The following PRR5 variants were observed in gnomAD, a reference collection of about 807,000 sequenced individuals.
PRR5 encodes the protein proline-rich protein 5.
In PRR5, 25 loss-of-function variants were observed where a neutral mutation model predicts 30.6. The observed-to-expected ratio is 0.82, with a 90% confidence interval of 0.60 to 1.14. The LOEUF (loss-of-function observed/expected upper bound fraction) is 1.14, where lower values mean the gene tolerates loss of function less well. Among genes scored for constraint, PRR5 ranks in the 50% most tolerant of loss-of-function variants. The probability of loss-of-function intolerance (pLI) is 0.00; values close to 1 mark genes in which losing one functional copy is unlikely to be tolerated. For synonymous variants in PRR5, 286 were observed against 247.1 expected, an observed-to-expected ratio of 1.16 and a Z score of -1.48; for missense variants, 600 against 547.1, an observed-to-expected ratio of 1.10 and a Z score of -0.96.
chr22:44,719,353 G>C lies in PRR5; in HGVS notation c.215+4682G>C, dbSNP rs531624784. Among the ~76,000 whole-genome samples, 139 of 152,238 alleles carry C rather than the reference G, an allele frequency of 9.1e-4. 1 individual carries two copies. Among genetic ancestry groups the C allele is most frequent in the South Asian group, 4.8e-3 (23 of 4,824 alleles). On this transcript the variant is annotated intron_variant, in intron 2 of 7. Transcript: ENST00000336985. The stretch of plus-strand genomic sequence containing the variant: ...CTGCCTCAGTGTTGGGATTATAGGC[G>C]TGAGCCGCTGCACCTGGCTGAGAAA...
chr22:44,696,267 C>A (rs1003554683), intron 1 of PRR5, among the ~76,000 whole-genome samples: 3 of 152,132 alleles, frequency 2.0e-5, no homozygotes, highest in Admixed American at 1.3e-4. Context: ...GAGCTGAGGG[C>A]AGACCCAGTT....
At chr22:44,723,174 G>A (rs1930201602) in intron 2 of PRR5, among the ~76,000 whole-genome samples, 1 of 151,546 alleles carries the variant, frequency 6.6e-6, no homozygotes, top group Admixed American at 6.6e-5. Context: ...TTAGTAGATG[G>A]GGTGTCACCA....
chr22:44,708,847 G>C (rs1429796176), intron 1 of PRR5, among the ~76,000 whole-genome samples: 1 of 151,384 alleles, frequency 6.6e-6, no homozygotes, highest in Non-Finnish European at 1.5e-5. Flanking sequence ...GGCGCCTGTA[G>C]TCCTAGCTAC....
At chr22:44,705,877 G>GC (rs1419965677) in intron 1 of PRR5, among the ~76,000 whole-genome samples, 1 of 151,758 alleles carries the variant, frequency 6.6e-6, no homozygotes, top group Non-Finnish European at 1.5e-5. Context: ...TGCATTCTCC[G>GC]CCCCCACAGG....
chr22:44,727,106 G>A (rs1920986825), intron 4 of PRR5, among the ~76,000 whole-genome samples: 1 of 151,924 alleles, frequency 6.6e-6, no homozygotes, highest in Non-Finnish European at 1.5e-5. Flanking sequence ...GTTCCTGAGT[G>A]GGAGAGTACA....
intron 1 of PRR5, among the ~76,000 whole-genome samples, chr22:44,712,208 C>T (rs927489891): frequency 6.6e-6 from 1 of 152,148 alleles, no homozygotes; most frequent in African/African-American, 2.4e-5. Context: ...TCCCCAGACA[C>T]GGGACTAAGG....
At chr22:44,676,111 C>T (rs1042560889), upstream of PRR5, among the ~76,000 whole-genome samples, 8 of 151,962 alleles carry the variant, frequency 5.3e-5, no homozygotes, top group Non-Finnish European at 8.8e-5. Flanking sequence ...AGGCTGGGCG[C>T]AGTGGCTCAT....
intron 6 of PRR5, among the ~76,000 whole-genome samples, chr22:44,732,592 C>T (rs1226086795): frequency 6.6e-6 from 1 of 152,144 alleles, no homozygotes; most frequent in African/African-American, 2.4e-5. Flanking sequence ...AGCTGCAGAC[C>T]CGTTCCTCTT....
intron 4 of PRR5, chr22:44,729,986 G>C: frequency 1.0e-6 from 1 of 985,442 alleles, no homozygotes; most frequent in Non-Finnish European, 1.2e-6. Flanking sequence ...GGGCATTCCT[G>C]CTGGCCCCCA....
At chr22:44,698,970 C>A (rs1188228304), upstream of PRR5, among the ~76,000 whole-genome samples, 2 of 152,200 alleles carry the variant, frequency 1.3e-5, no homozygotes, top group African/African-American at 4.8e-5. Flanking sequence ...ACGGCCCAAA[C>A]CCAGAGCACT....
chr22:44,726,854 G>A (rs997155840), intron 4 of PRR5, among the ~76,000 whole-genome samples: 1 of 152,180 alleles, frequency 6.6e-6, no homozygotes, highest in Non-Finnish European at 1.5e-5. Context: ...TGGAGCCCAG[G>A]AGGGCTATGA....
chr22:44,673,350 C>T (rs570031168), upstream of PRR5, among the ~76,000 whole-genome samples: 3 of 152,300 alleles, frequency 2.0e-5, no homozygotes, highest in South Asian at 2.1e-4. Flanking sequence ...GGTGAGTAGG[C>T]GAAAGCTGCC....
intron 1 of PRR5, chr22:44,679,898 C>T (rs747314824): frequency 1.0e-5 from 16 of 1,566,846 alleles, no homozygotes; most frequent in East Asian, 7.1e-5. Context: ...GCCACTGTGC[C>T]GAAGGGTGGC....
intron 1 of PRR5, 52 bp downstream of exon 1, chr22:44,702,660 ACC>A: frequency 8.0e-7 from 1 of 1,251,672 alleles, no homozygotes; most frequent in Non-Finnish European, 1.0e-6. Flanking sequence ...GGGGGAGGGG[ACC>A]CCTGAGCCGT....
upstream of PRR5, among the ~76,000 whole-genome samples, chr22:44,672,882 G>T (rs1390795954): frequency 2.0e-5 from 3 of 152,226 alleles, no homozygotes; most frequent in African/African-American, 7.2e-5. Context: ...CCATAGCAAG[G>T]GGGCACGGCT....
At chr22:44,714,499 C>T (rs1928748917) in intron 1 of PRR5, 92 bp from the exon 2 acceptor site, 5 of 1,532,440 alleles carry the variant, frequency 3.3e-6, no homozygotes, top group Non-Finnish European at 3.6e-6. Context: ...TCCTGCCCTT[C>T]TAGGAGAGAG....
intron 1 of PRR5, among the ~76,000 whole-genome samples, chr22:44,681,764 G>T (rs1354555295): frequency 6.6e-6 from 1 of 152,172 alleles, no homozygotes; most frequent in African/African-American, 2.4e-5. Context: ...GTCCCAGGGG[G>T]ACACCTGTGC....
At chr22:44,682,645 G>T (rs1184643076) in intron 1 of PRR5, among the ~76,000 whole-genome samples, 1 of 152,218 alleles carries the variant, frequency 6.6e-6, no homozygotes, top group Non-Finnish European at 1.5e-5. Context: ...GCCCATAGGA[G>T]GTTCTCAAGA....
chr22:44,695,864 G>A (rs1360763184), intron 1 of PRR5, among the ~76,000 whole-genome samples: 1 of 148,482 alleles, frequency 6.7e-6, no homozygotes, highest in Non-Finnish European at 1.5e-5. Context: ...GTCTCCCAAA[G>A]TGCGCCCAGC....
Sources: gnomAD v4.1 joint callset for allele counts (sites outside exome capture counted in the v4.1 genomes callset) on GRCh38, gnomAD v4.1.1 for gene constraint, MANE v1.5 for transcripts, NCBI Gene and HGNC (gene_info 2026-07-23, HGNC 2026-07-21) for gene names.